CALN1: variants seen among roughly 807,000 people sequenced by gnomAD.
CALN1 encodes the protein calcium-binding protein 8.
A neutral mutation model predicts 30.6 loss-of-function variants in CALN1; 17 were observed. That is an observed-to-expected ratio of 0.56 (90% CI 0.38 to 0.83). The LOEUF is 0.83. Ranked by LOEUF, CALN1 falls within the 40% of genes least tolerant of loss-of-function variation. The probability of loss-of-function intolerance (pLI) is 0.00; values close to 1 mark genes in which losing one functional copy is unlikely to be tolerated. For synonymous variants in CALN1, 156 were observed against 131.4 expected, an observed-to-expected ratio of 1.19 and a Z score of -1.28; for missense variants, 291 against 354.9, an observed-to-expected ratio of 0.82 and a Z score of 1.45.
the CALN1 span, among the ~76,000 whole-genome samples, chr7:72,494,676 T>C: frequency 2.0e-5 from 3 of 150,986 alleles, no homozygotes; most frequent in South Asian, 6.3e-4. Context: ...CTGGGCAATA[T>C]AGCGAGACCC....
intron 3 of CALN1, among the ~76,000 whole-genome samples, chr7:72,177,749 A>ACAGAGG (rs1554307036): frequency 8.3e-6 from 1 of 120,136 alleles, no homozygotes; most frequent in Non-Finnish European, 1.8e-5. Context: ...TGGGCGACAG[A>ACAGAGG]GGGAAAAAAA....
intron 5 of CALN1, among the ~76,000 whole-genome samples, chr7:71,870,861 A>G (rs1026059771): frequency 6.6e-6 from 1 of 152,144 alleles, no homozygotes; most frequent in African/African-American, 2.4e-5. Context: ...GTTGGTGGAG[A>G]GAAAAGACTG....
the CALN1 span, among the ~76,000 whole-genome samples, chr7:72,503,156 A>G: frequency 5.1e-4 from 77 of 152,264 alleles, no homozygotes; most frequent in Non-Finnish European, 6.6e-4. Flanking sequence ...AAAAAAAGAA[A>G]AAAAAAATGT....
chr7:72,208,170 A>G (rs1585166911), intron 3 of CALN1, among the ~76,000 whole-genome samples: 1 of 152,334 alleles, frequency 6.6e-6, no homozygotes, highest in South Asian at 2.1e-4. Flanking sequence ...TTAGCTATTT[A>G]ATATTGAGGA....
At chr7:71,920,820 G>T (rs1422328577) in intron 5 of CALN1, among the ~76,000 whole-genome samples, 2 of 152,022 alleles carry the variant, frequency 1.3e-5, no homozygotes, top group Admixed American at 6.6e-5. Context: ...ATTTCTCAAG[G>T]ATCTATAACT....
Position 72,042,312 on chromosome 7 carries a change from T to C in CALN1, c.389-18543A>G, listed in dbSNP as rs1265108126. Among the ~76,000 whole-genome samples the C allele has an allele frequency of 2.0e-5, 3 of 152,248 alleles. No homozygotes were observed. In the East Asian group the frequency reaches 5.8e-4, roughly 29 times the overall value. ...TACAGTTGTATGTGTAGCTATGATT[T>C]ACCATGGAGAAAGAATACAACACAC... On this transcript the variant is annotated intron_variant, in intron 4 of 6. Coordinates refer to ENST00000395275, the MANE Select transcript of CALN1 (RefSeq NM_031468.4).
At chr7:72,178,123 T>C (rs1021060028) in intron 3 of CALN1, among the ~76,000 whole-genome samples, 1 of 152,134 alleles carries the variant, frequency 6.6e-6, no homozygotes, top group South Asian at 2.1e-4. Context: ...GGGAAAAAAT[T>C]TGTAAGCAAT....
At chr7:72,153,244 G>A (rs376101214) in intron 3 of CALN1, among the ~76,000 whole-genome samples, 10 of 152,246 alleles carry the variant, frequency 6.6e-5, no homozygotes, top group South Asian at 4.1e-4. Flanking sequence ...ACACCTACGC[G>A]TGGGCTGCTC....
chr7:72,336,941 G>A lies in CALN1; in HGVS notation c.120-58131C>T, dbSNP rs569219328. On this transcript the variant is annotated intron_variant, in intron 2 of 6. Coordinates refer to ENST00000395275, the MANE Select transcript of CALN1 (RefSeq NM_031468.4). The stretch of plus-strand genomic sequence containing the variant: ...CCCACGCGCGCGCCGGGACCTGCAC[G>A]AGCCCCCTCGTCGACTCGGAGCGCG... The A allele has an allele frequency of 7.1e-5, 70 of 985,116 alleles. No individual in the cohort carries two copies. The Admixed American group carries it at 3.7e-3, about 52-fold the overall frequency. 61.0% of individuals were successfully genotyped at this position (985,116 alleles called of 1,614,324 possible). A position where few individuals can be genotyped will look rare whatever the true frequency, so the allele number is the denominator to read the frequency against.
chr7:72,102,338 A>G (rs1041496853), intron 4 of CALN1, among the ~76,000 whole-genome samples: 1 of 152,022 alleles, frequency 6.6e-6, no homozygotes, highest in Non-Finnish European at 1.5e-5. Flanking sequence ...CCAGCTACTC[A>G]GGAGGCTGAG....
At chr7:72,416,692 G>A (rs565903638), upstream of CALN1, among the ~76,000 whole-genome samples, 7 of 135,762 alleles carry the variant, frequency 5.2e-5, no homozygotes, top group Non-Finnish European at 7.6e-5. Flanking sequence ...CCGAGATCGC[G>A]TCACTGCACT....
chr7:71,816,267 G>A (rs1400510029), intron 5 of CALN1, among the ~76,000 whole-genome samples: 1 of 152,158 alleles, frequency 6.6e-6, no homozygotes, highest in East Asian at 1.9e-4. Context: ...AAGGGGAGGT[G>A]TAAAACAAAC....
chr7:71,802,603 C>A (rs182328358), intron 6 of CALN1, among the ~76,000 whole-genome samples: 281 of 152,344 alleles, frequency 1.8e-3, no homozygotes, highest in African/African-American at 6.1e-3. Flanking sequence ...GCTGAGACTA[C>A]AGGCATGCGC....
chr7:72,330,194 G>A lies in CALN1; in HGVS notation c.120-51384C>T, dbSNP rs191437366. Among the ~76,000 whole-genome samples, 3 of 152,170 alleles carry A rather than the reference G, an allele frequency of 2.0e-5. No individual in the cohort carries two copies. In the East Asian group the frequency reaches 5.8e-4, roughly 29 times the overall value. On this transcript the variant is annotated intron_variant, in intron 2 of 6. Coordinates refer to ENST00000395275, the MANE Select transcript of CALN1 (RefSeq NM_031468.4). ...TGTAATCCCAGCTACTCCGGATGCT[G>A]AGGCAGGAGAATTTCTTGAACCTCA...
chr7:71,868,713 C>G (rs1330077811), intron 5 of CALN1, among the ~76,000 whole-genome samples: 1 of 151,988 alleles, frequency 6.6e-6, no homozygotes, highest in African/African-American at 2.4e-5. Flanking sequence ...CATGAAGGGC[C>G]ACCCCCATGA....
chr7:72,328,250 A>C (rs1028304149), intron 2 of CALN1, among the ~76,000 whole-genome samples: 6 of 152,180 alleles, frequency 3.9e-5, no homozygotes, highest in Non-Finnish European at 7.3e-5. Context: ...AATTGCAATA[A>C]TACTCACGTA....
intron 4 of CALN1, among the ~76,000 whole-genome samples, chr7:72,040,854 T>C (rs899097005): frequency 6.6e-6 from 1 of 152,136 alleles, no homozygotes; most frequent in Admixed American, 6.5e-5. Flanking sequence ...AACCAGCATC[T>C]TGAGGTTGGG....
At chr7:72,391,641 T>C (rs1490091889) in intron 2 of CALN1, among the ~76,000 whole-genome samples, 2 of 152,202 alleles carry the variant, frequency 1.3e-5, no homozygotes, top group Non-Finnish European at 2.9e-5. Flanking sequence ...CATACTGTTC[T>C]CGTGGTAGTG....
rs545799072 is a variant in CALN1 at position 72,398,302 on chromosome 7, G to A, written c.119+4949C>T. Reference sequence around the variant, plus strand: ...CTTTTTATAAGCTATTCAGAGCAGGGGTGGGAGGGAAAACTAGAGAGAAAA... The same window carrying A: ...CTTTTTATAAGCTATTCAGAGCAGGAGTGGGAGGGAAAACTAGAGAGAAAA... On this transcript the variant is annotated intron_variant, in intron 2 of 6. Coordinates refer to ENST00000395275, the MANE Select transcript of CALN1 (RefSeq NM_031468.4). 4.0e-3 allele frequency among the ~76,000 whole-genome samples: 604 copies of A among 152,244 alleles called. 5 individuals are homozygous for A. The highest frequency in any genetic ancestry group is 0.013 in the African/African-American group (553 of 41,546).
Sources: gnomAD v4.1 joint callset for allele counts (sites outside exome capture counted in the v4.1 genomes callset) on GRCh38, gnomAD v4.1.1 for gene constraint, MANE v1.5 for transcripts, NCBI Gene and HGNC (gene_info 2026-07-23, HGNC 2026-07-21) for gene names.